WASHC5: variants seen among roughly 807,000 people sequenced by gnomAD.
WASHC5 encodes the protein WASH complex subunit strumpellin.
A neutral mutation model predicts 150.4 loss-of-function variants in WASHC5; 101 were observed. The observed-to-expected ratio is 0.67, with a 90% CI of 0.57 to 0.79. The LOEUF is 0.79. Ranked by LOEUF, WASHC5 falls within the 30% of genes least tolerant of loss-of-function variation. The probability of loss-of-function intolerance (pLI) is 0.00; values close to 1 mark genes in which losing one functional copy is unlikely to be tolerated. For missense variants in WASHC5, 1,195 were observed against 1,396.3 expected, an observed-to-expected ratio of 0.86 and a Z score of 2.30; for synonymous variants, 467 against 491.2, an observed-to-expected ratio of 0.95 and a Z score of 0.65.
At position 125,047,599 on chromosome 8, in the gene WASHC5, G is replaced by A. The variant is rs190810381; in HGVS notation, c.2380-268C>T. 2.9e-3 allele frequency among the ~76,000 whole-genome samples: 440 copies of A among 152,036 alleles called. 2 individuals are homozygous for A. The highest frequency in any genetic ancestry group is 4.6e-3 in the Non-Finnish European group (316 of 67,958). Reference sequence around the variant, plus strand: ...ATTACAGGCACCCGCCACCATGCCCGGCTAATTTTTGTATTTTTAGTAGAG... The same window carrying A: ...ATTACAGGCACCCGCCACCATGCCCAGCTAATTTTTGTATTTTTAGTAGAG... On this transcript the variant is annotated intron_variant, in intron 19 of 28. Coordinates refer to ENST00000318410, the MANE Select transcript of WASHC5 (RefSeq NM_014846.4).
intron 7 of WASHC5, among the ~76,000 whole-genome samples, chr8:125,075,470 T>C (rs1440036969): frequency 5.3e-5 from 8 of 152,214 alleles, no homozygotes; most frequent in Non-Finnish European, 1.0e-4. Context: ...TTCAGGTGTG[T>C]ATCTTACAGG....
Position 125,056,697 on chromosome 8 carries a change from G to T in WASHC5, c.1996C>A (p.Gln666Lys). ...AGCACCTCGTATCGTGGGCCTAGCT[G>T]AGCATAGTCCCTCAGCTTGTCTTTG... Reference protein sequence around the residue: ...LDKDKLRDYAQLGPRYEVAKL... With the variant: ...LDKDKLRDYAKLGPRYEVAKL... Residue 666 changes from glutamine (Q) to lysine (K), a missense_variant, in exon 16 of 29, where the codon CAG (glutamine) becomes AAG (lysine). Around this residue, in one of 3 missense-constraint regions of WASHC5, gnomAD observed 997 missense variants for 1,168.1 expected, o/e 0.85. Coordinates refer to ENST00000318410, the MANE Select transcript of WASHC5 (RefSeq NM_014846.4). The T allele has an allele frequency of 1.2e-6, 2 of 1,614,138 alleles. No homozygotes were observed. The highest frequency in any genetic ancestry group is 1.7e-6 in the Non-Finnish European group (2 of 1,180,004).
At chr8:125,080,502 G>A (rs1448071626) in intron 5 of WASHC5, among the ~76,000 whole-genome samples, 3 of 152,004 alleles carry the variant, frequency 2.0e-5, no homozygotes, top group Admixed American at 6.6e-5. Flanking sequence ...TGGTATTGCC[G>A]AAAAGTATAA....
chr8:125,074,907 T>C, intron 8 of WASHC5, 91 bp downstream of exon 8: 1 of 816,682 alleles, frequency 1.2e-6, no homozygotes, highest in Non-Finnish European at 2.2e-6. Flanking sequence ...GTGATTATCT[T>C]CCAAATTCCT....
intron 17 of WASHC5, among the ~76,000 whole-genome samples, chr8:125,050,911 T>G (rs751948602): frequency 1.7e-4 from 26 of 152,222 alleles, no homozygotes; most frequent in Non-Finnish European, 3.2e-4. Context: ...CAACAAGACA[T>G]TTCAAAGACG....
At chr8:125,059,141 C>A (rs1816505574) in intron 14 of WASHC5, 81 bp downstream of exon 14, 1 of 1,012,338 alleles carries the variant, frequency 9.9e-7, no homozygotes. Context: ...AGGATAAAAT[C>A]CTGGGCTGAA....
chr8:125,028,832 G>T (rs755615004), intron 27 of WASHC5, 125 bp from the exon 28 acceptor site: 9 of 713,006 alleles, frequency 1.3e-5, no homozygotes, highest in Non-Finnish European at 2.3e-5. Flanking sequence ...CAAAAACATT[G>T]AGCATGCTCT....
intron 7 of WASHC5, 78 bp from the exon 8 acceptor site, chr8:125,075,189 G>C: frequency 1.1e-6 from 1 of 879,436 alleles, no homozygotes; most frequent in South Asian, 1.3e-5. Flanking sequence ...AGTTATAGAA[G>C]GCAATACCCA....
chr8:125,032,328 A>T lies in WASHC5; in HGVS notation c.3248T>A (p.Leu1083Gln). Residue 1083 changes from leucine (L) to glutamine (Q), a missense_variant, in exon 27 of 29, where the codon CTG becomes CAG. Around this residue, in one of 3 missense-constraint regions of WASHC5, gnomAD observed 997 missense variants for 1,168.1 expected, o/e 0.85. Coordinates refer to ENST00000318410, the MANE Select transcript of WASHC5 (RefSeq NM_014846.4). The part of the protein sequence containing the change: ...WPPLVLGLLT[L>Q]LKQFHSRYTE... ...GTACCGGGAATGGAACTGCTTCAGC[A>T]GAGTGAGCAGTCCCAGGACAAGTGG... 1 of 1,614,220 alleles carries T rather than the reference A, an allele frequency of 6.2e-7. No individual in the cohort carries two copies. Among genetic ancestry groups the T allele is most frequent in the Non-Finnish European group, 8.5e-7 (1 of 1,180,028 alleles).
At chr8:125,068,637 C>T (rs1248332079) in intron 9 of WASHC5, among the ~76,000 whole-genome samples, 4 of 152,120 alleles carry the variant, frequency 2.6e-5, no homozygotes, top group Non-Finnish European at 5.9e-5. Flanking sequence ...GGGGAATGCC[C>T]GACACAACAA....
At chr8:125,050,094 T>C (rs559306799) in intron 18 of WASHC5, among the ~76,000 whole-genome samples, 39 of 152,280 alleles carry the variant, frequency 2.6e-4, no homozygotes, top group African/African-American at 9.1e-4. Context: ...ACATTTTAAA[T>C]TGAATTTACT....
intron 1 of WASHC5, among the ~76,000 whole-genome samples, chr8:125,086,125 T>C (rs1264733530): frequency 6.6e-6 from 1 of 152,204 alleles, no homozygotes; most frequent in South Asian, 2.1e-4. Context: ...ATTAGTTTGC[T>C]GGGCTGCCGT....
At chr8:125,070,136 T>C (rs921636639) in intron 9 of WASHC5, among the ~76,000 whole-genome samples, 5 of 152,174 alleles carry the variant, frequency 3.3e-5, no homozygotes, top group African/African-American at 1.2e-4. Context: ...TCATCCCTTA[T>C]TTCCTCAGAG....
At chr8:125,049,315 T>C in intron 18 of WASHC5, 130 bp from the exon 19 acceptor site, 1 of 937,000 alleles carries the variant, frequency 1.1e-6, no homozygotes, top group Non-Finnish European at 1.7e-6. Context: ...CCCCAGCACT[T>C]TGGGAGGCTT....
At chr8:125,040,807 T>A (rs987039539) in intron 23 of WASHC5, 8 of 152,226 alleles carry the variant, frequency 5.3e-5, no homozygotes, top group African/African-American at 1.9e-4. Context: ...CTTTCCTTTA[T>A]AAATTACCCA....
chr8:125,055,152 C>G (rs935124026), intron 17 of WASHC5, among the ~76,000 whole-genome samples: 30 of 151,896 alleles, frequency 2.0e-4, no homozygotes, highest in African/African-American at 7.2e-4. Context: ...GGCTGGGCAC[C>G]GTGGCTCATG....
intron 28 of WASHC5, 133 bp downstream of exon 28, chr8:125,028,487 A>G: frequency 1.5e-6 from 1 of 667,266 alleles, no homozygotes; most frequent in Non-Finnish European, 2.7e-6. Flanking sequence ...AGCTGGGGGT[A>G]GAGCAGTGGC....
intron 8 of WASHC5, 36 bp from the exon 9 acceptor site, chr8:125,073,360 G>A (rs1345782704): frequency 6.5e-7 from 1 of 1,536,612 alleles, no homozygotes; most frequent in African/African-American, 1.4e-5. Context: ...CATTTAAAAA[G>A]TCATTTATCT....
chr8:125,063,567 C>G lies in WASHC5; in HGVS notation c.1363G>C (p.Asp455His). The change falls in exon 11 of 29, where the codon GAT (aspartate) becomes CAT (histidine). Residue 455 changes from aspartate to histidine, a missense_variant. Asp to His is a moderately conservative substitution (Grantham distance 81). This residue lies in a region of WASHC5 where 997 missense variants were observed against 1,168.1 expected (regional missense o/e 0.85). Transcript: ENST00000318410. ...EGSERMTELA[D>H]VFSGVKPLTR... ...AGGGGTTTCACTCCTGAAAAGACAT[C>G]AGCAAGCTCAGTCATCCGCTCCGAA... 6.2e-7 allele frequency: 1 copy of G among 1,613,958 alleles called. No individual in the cohort carries two copies. Among genetic ancestry groups the G allele is most frequent in the Non-Finnish European group, 8.5e-7 (1 of 1,179,882 alleles).
Sources: gnomAD v4.1 joint callset for allele counts (sites outside exome capture counted in the v4.1 genomes callset) on GRCh38, gnomAD v4.1.1 for gene constraint, gnomAD v4.1.1 regional missense constraint, MANE v1.5 for transcripts, NCBI Gene and HGNC (gene_info 2026-07-23, HGNC 2026-07-21) for gene names.